Variants in LRRC4C observed in about 807,000 individuals in gnomAD.
LRRC4C encodes leucine rich repeat containing 4C.
A neutral mutation model predicts 33.6 loss-of-function variants in LRRC4C; 5 were observed. The observed-to-expected ratio is 0.15, with a 90% confidence interval of 0.08 to 0.31. The LOEUF is 0.31. Ranked by LOEUF, LRRC4C falls within the 10% of genes least tolerant of loss-of-function variation. LRRC4C has a pLI of 1.00. For synonymous variants in LRRC4C, 329 were observed against 302.0 expected (o/e 1.09, Z -0.93); for missense variants, 560 against 796.7 (o/e 0.70, Z 3.58).
At chr11:40,391,005 C>T (rs1031140904) in intron 3 of LRRC4C, among the ~76,000 whole-genome samples, 47 of 152,012 alleles carry the variant, frequency 3.1e-4, no homozygotes, top group African/African-American at 9.4e-4. Flanking sequence ...CCTCAGCCTC[C>T]GGAGTAGCTG....
chr11:41,020,846 C>A (rs181636826), intron 1 of LRRC4C, among the ~76,000 whole-genome samples: 19 of 152,268 alleles, frequency 1.2e-4, no homozygotes, highest in Middle Eastern at 6.8e-3. Context: ...GTATCTGTCT[C>A]ACCTCAAATC....
chr11:40,791,539 A>G (rs573009609), intron 2 of LRRC4C, among the ~76,000 whole-genome samples: 1 of 152,282 alleles, frequency 6.6e-6, no homozygotes, highest in Non-Finnish European at 1.5e-5. Flanking sequence ...CACTATGGAG[A>G]AGTAATCATG....
intron 3 of LRRC4C, among the ~76,000 whole-genome samples, chr11:40,373,560 A>G (rs1948544389): frequency 6.6e-6 from 1 of 152,180 alleles, no homozygotes; most frequent in African/African-American, 2.4e-5. Flanking sequence ...ATGTATTGAT[A>G]TAGTTTGGAT....
chr11:40,196,436 C>T (rs1482565449), intron 5 of LRRC4C, among the ~76,000 whole-genome samples: 4 of 152,220 alleles, frequency 2.6e-5, no homozygotes, highest in South Asian at 4.1e-4. Flanking sequence ...TTGCAACATG[C>T]AAGTCTGCCC....
At chr11:40,287,517 A>C (rs1943926754) in intron 4 of LRRC4C, among the ~76,000 whole-genome samples, 1 of 152,132 alleles carries the variant, frequency 6.6e-6, no homozygotes, top group Admixed American at 6.6e-5. Flanking sequence ...CTGAGGACAT[A>C]ACAAAACCTT....
intron 2 of LRRC4C, among the ~76,000 whole-genome samples, chr11:40,837,676 CAAAAA>C (rs139136576): frequency 2.8e-5 from 3 of 108,488 alleles, no homozygotes; most frequent in African/African-American, 7.2e-5. Context: ...CCTGTCTCTT[CAAAAA>C]AAAAAAAAAA....
At chr11:41,215,859 G>T (rs1182002049) in intron 1 of LRRC4C, among the ~76,000 whole-genome samples, 1 of 152,066 alleles carries the variant, frequency 6.6e-6, no homozygotes, top group Non-Finnish European at 1.5e-5. Context: ...TTTCATTTTG[G>T]GGGACATATG....
At chr11:40,247,476 G>A (rs556208007) in intron 4 of LRRC4C, among the ~76,000 whole-genome samples, 1 of 152,226 alleles carries the variant, frequency 6.6e-6, no homozygotes, top group African/African-American at 2.4e-5. Context: ...GCTATAAAAG[G>A]TGTACAATCC....
chr11:40,219,928 T>C (rs908643947), intron 5 of LRRC4C, among the ~76,000 whole-genome samples: 9 of 152,230 alleles, frequency 5.9e-5, no homozygotes, highest in Non-Finnish European at 1.0e-4. Flanking sequence ...CTATGTGAGC[T>C]AACAGATGTG....
intron 1 of LRRC4C, among the ~76,000 whole-genome samples, chr11:41,301,691 G>A (rs927431609): frequency 2.6e-5 from 4 of 151,940 alleles, no homozygotes; most frequent in Admixed American, 6.6e-5. Context: ...ATCTTTTTAT[G>A]ACTTTCATGA....
intron 1 of LRRC4C, among the ~76,000 whole-genome samples, chr11:41,248,439 A>G (rs1948524287): frequency 6.6e-6 from 1 of 151,754 alleles, no homozygotes; most frequent in Admixed American, 6.6e-5. Flanking sequence ...CCTATCAACA[A>G]CTCTTGGCAG....
chr11:41,134,285 G>T (rs1246263197), intron 1 of LRRC4C, among the ~76,000 whole-genome samples: 1 of 151,932 alleles, frequency 6.6e-6, no homozygotes, highest in Non-Finnish European at 1.5e-5. Context: ...CTTTATTTTT[G>T]TAGAGACAGA....
At chr11:40,748,742 T>C (rs1181989079) in intron 2 of LRRC4C, among the ~76,000 whole-genome samples, 2 of 152,052 alleles carry the variant, frequency 1.3e-5, no homozygotes, top group Non-Finnish European at 2.9e-5. Context: ...GAAACGCACT[T>C]TACCTATAAA....
chr11:40,701,000 C>T (rs1417316759), intron 2 of LRRC4C, among the ~76,000 whole-genome samples: 1 of 152,110 alleles, frequency 6.6e-6, no homozygotes, highest in Non-Finnish European at 1.5e-5. Context: ...GAAGGGGTGA[C>T]CACTTTGTTT....
chr11:40,902,917 G>A (rs559827475), intron 2 of LRRC4C, among the ~76,000 whole-genome samples: 9 of 152,228 alleles, frequency 5.9e-5, no homozygotes, highest in Non-Finnish European at 1.2e-4. Context: ...AATAGCAAGC[G>A]CTCAAGTAGA....
intron 1 of LRRC4C, among the ~76,000 whole-genome samples, chr11:41,281,104 T>TCTCTCTCA (rs1455403663): frequency 5.3e-4 from 54 of 102,584 alleles, no homozygotes; most frequent in African/African-American, 1.7e-3. Context: ...TCTCTCTCTC[T>TCTCTCTCA]CACACACACA....
At chr11:41,237,586 G>A (rs796335345) in intron 1 of LRRC4C, among the ~76,000 whole-genome samples, 3 of 152,084 alleles carry the variant, frequency 2.0e-5, no homozygotes, top group South Asian at 2.1e-4. Flanking sequence ...ACTAGTTACC[G>A]TAGCAACTGC....
intron 1 of LRRC4C, among the ~76,000 whole-genome samples, chr11:41,166,888 T>C (rs981463413): frequency 6.6e-6 from 1 of 152,190 alleles, no homozygotes; most frequent in Non-Finnish European, 1.5e-5. Flanking sequence ...TCTCTAACAA[T>C]GGCATGTGAT....
At chr11:40,954,145 A>G (rs1958843204) in intron 1 of LRRC4C, among the ~76,000 whole-genome samples, 1 of 151,910 alleles carries the variant, frequency 6.6e-6, no homozygotes, top group African/African-American at 2.4e-5. Context: ...CTTTTGTTCC[A>G]GCAATTGTTT....
Sources: allele counts gnomAD v4.1 joint callset (sites outside exome capture counted in the v4.1 genomes callset), GRCh38; gene constraint gnomAD v4.1.1; transcripts MANE v1.5; gene names NCBI Gene and HGNC (gene_info 2026-07-23, HGNC 2026-07-21).